The following DIAPH3 variants were observed in gnomAD, a reference collection of about 807,000 sequenced individuals.
DIAPH3 encodes the protein protein diaphanous homolog 3.
A neutral mutation model predicts 144.3 loss-of-function variants in DIAPH3; 117 were observed. The observed-to-expected ratio is 0.81, with a 90% CI of 0.70 to 0.95. The LOEUF is 0.95. Among genes scored for constraint, DIAPH3 ranks in the 40% least tolerant of loss-of-function variants. The pLI is 0.00. For missense variants in DIAPH3, 1,421 were observed against 1,412.7 expected, an observed-to-expected ratio of 1.01 and a Z score of -0.09; for synonymous variants, 519 against 488.9, an observed-to-expected ratio of 1.06 and a Z score of -0.81.
At chr13:59,739,398 T>C (rs2036327063) in intron 27 of DIAPH3, among the ~76,000 whole-genome samples, 1 of 152,204 alleles carries the variant, frequency 6.6e-6, no homozygotes, top group South Asian at 2.1e-4. Flanking sequence ...CCTTAACTCC[T>C]CTAAGTATTC....
chr13:59,788,818 C>T (rs918603962), intron 25 of DIAPH3, among the ~76,000 whole-genome samples: 1 of 152,174 alleles, frequency 6.6e-6, no homozygotes, highest in South Asian at 2.1e-4. Context: ...CTATTAACTA[C>T]AGAGCCAGCA....
chr13:60,134,511 G>T (rs1308719886), intron 1 of DIAPH3, among the ~76,000 whole-genome samples: 1 of 152,170 alleles, frequency 6.6e-6, no homozygotes, highest in Non-Finnish European at 1.5e-5. Flanking sequence ...GCAGAGAAAG[G>T]AGCTGGGGCA....
chr13:59,707,764 T>C (rs997606014), intron 27 of DIAPH3, among the ~76,000 whole-genome samples: 1 of 152,164 alleles, frequency 6.6e-6, no homozygotes, highest in Non-Finnish European at 1.5e-5. Flanking sequence ...TCTTTCCACC[T>C]ACATCACTTT....
intron 27 of DIAPH3, among the ~76,000 whole-genome samples, chr13:59,678,523 T>C (rs1017457533): frequency 6.6e-6 from 1 of 152,168 alleles, no homozygotes; most frequent in African/African-American, 2.4e-5. Flanking sequence ...AATATTGATG[T>C]TCTCTGAATT....
chr13:59,796,226 G>A (rs568947266), intron 25 of DIAPH3, among the ~76,000 whole-genome samples: 23 of 152,296 alleles, frequency 1.5e-4, no homozygotes, highest in Non-Finnish European at 2.2e-4. Flanking sequence ...AATGACAGTT[G>A]TTATGGATAA....
chr13:59,680,096 T>C (rs765296929), intron 27 of DIAPH3, among the ~76,000 whole-genome samples: 2 of 152,140 alleles, frequency 1.3e-5, no homozygotes, highest in African/African-American at 2.4e-5. Flanking sequence ...AACTCAGAAG[T>C]GTTGTCTCAA....
chr13:59,690,327 A>G (rs1047816119), intron 27 of DIAPH3, among the ~76,000 whole-genome samples: 1 of 152,132 alleles, frequency 6.6e-6, no homozygotes, highest in African/African-American at 2.4e-5. Flanking sequence ...ACAGATGCAG[A>G]AATTCAGGCA....
intron 17 of DIAPH3, 123 bp downstream of exon 17, chr13:59,969,821 T>C (rs2050253973): frequency 1.8e-6 from 1 of 554,980 alleles, no homozygotes; most frequent in Admixed American, 3.4e-5. Context: ...TATTTGCCCA[T>C]TAGGAATGTA....
intron 27 of DIAPH3, among the ~76,000 whole-genome samples, chr13:59,733,417 C>T (rs1381182985): frequency 6.6e-6 from 1 of 151,996 alleles, no homozygotes; most frequent in Non-Finnish European, 1.5e-5. Flanking sequence ...ATGAAAGGTG[C>T]TATTGAAAAA....
intron 18 of DIAPH3, among the ~76,000 whole-genome samples, chr13:59,918,237 G>A (rs2047329356): frequency 6.8e-6 from 1 of 147,372 alleles, no homozygotes; most frequent in Non-Finnish European, 1.5e-5. Context: ...GAGAGAGAGA[G>A]AGATACTGTC....
At chr13:60,060,055 TAA>T (rs2056706645) in intron 4 of DIAPH3, among the ~76,000 whole-genome samples, 1 of 152,080 alleles carries the variant, frequency 6.6e-6, no homozygotes, top group African/African-American at 2.4e-5. Context: ...ATTTACACTT[TAA>T]GTCTGTCTTC....
chr13:60,139,895 G>A (rs2059389031), intron 1 of DIAPH3, among the ~76,000 whole-genome samples: 1 of 152,156 alleles, frequency 6.6e-6, no homozygotes, highest in East Asian at 1.9e-4. Flanking sequence ...ACTACCAGAT[G>A]AAAAACTCTT....
At chr13:60,086,732 T>A (rs2057759710) in intron 4 of DIAPH3, among the ~76,000 whole-genome samples, 1 of 152,170 alleles carries the variant, frequency 6.6e-6, no homozygotes, top group Non-Finnish European at 1.5e-5. Context: ...AAAAAGAACT[T>A]AATTTACTTG....
chr13:60,146,671 A>T (rs1234580940), intron 1 of DIAPH3, among the ~76,000 whole-genome samples: 1 of 152,252 alleles, frequency 6.6e-6, no homozygotes, highest in African/African-American at 2.4e-5. Flanking sequence ...AAGCAACTGC[A>T]GCCTAACTGT....
At chr13:59,946,022 T>C (rs1312074101) in intron 17 of DIAPH3, among the ~76,000 whole-genome samples, 1 of 152,198 alleles carries the variant, frequency 6.6e-6, no homozygotes, top group Non-Finnish European at 1.5e-5. Flanking sequence ...GTCTCCATAG[T>C]GGACATAAAA....
At chr13:59,722,669 A>C (rs765678388) in intron 27 of DIAPH3, among the ~76,000 whole-genome samples, 2 of 152,172 alleles carry the variant, frequency 1.3e-5, no homozygotes, top group Non-Finnish European at 2.9e-5. Flanking sequence ...GGATTGTAAC[A>C]GGCACTGCAA....
At chr13:59,924,713 A>C in intron 18 of DIAPH3, 62 bp downstream of exon 18, 2 of 1,561,702 alleles carry the variant, frequency 1.3e-6, no homozygotes, top group Non-Finnish European at 1.7e-6. Flanking sequence ...TCTTAAAGAA[A>C]ATGAAATCAT....
intron 17 of DIAPH3, among the ~76,000 whole-genome samples, chr13:59,954,487 C>T (rs971844761): frequency 6.6e-6 from 1 of 152,060 alleles, no homozygotes; most frequent in Admixed American, 6.5e-5. Context: ...ACAAAACAAC[C>T]GTCTTAATAA....
chr13:59,905,143 T>C (rs888093156), intron 20 of DIAPH3, among the ~76,000 whole-genome samples: 23 of 151,320 alleles, frequency 1.5e-4, no homozygotes, highest in African/African-American at 5.3e-4. Flanking sequence ...GAGATCGAGA[T>C]CATCCTGGCT....
Sources: gnomAD v4.1 joint callset for allele counts (sites outside exome capture counted in the v4.1 genomes callset) on GRCh38, gnomAD v4.1.1 for gene constraint, MANE v1.5 for transcripts, NCBI Gene and HGNC (gene_info 2026-07-23, HGNC 2026-07-21) for gene names.